SLC1A6: variants seen among roughly 807,000 people sequenced by gnomAD.
SLC1A6 encodes solute carrier family 1 member 6.
In SLC1A6, 15 loss-of-function variants were observed where a neutral mutation model predicts 42.1. That is an observed-to-expected ratio of 0.36 (90% CI 0.24 to 0.55). SLC1A6 has a LOEUF of 0.55. Among genes scored for constraint, SLC1A6 ranks in the 20% least tolerant of loss-of-function variants. The pLI, the probability that SLC1A6 is intolerant of heterozygous loss-of-function variation, is 0.88. For missense variants in SLC1A6, 542 were observed against 772.5 expected, an observed-to-expected ratio of 0.70 and a Z score of 3.54; for synonymous variants, 317 against 319.7, an observed-to-expected ratio of 0.99 and a Z score of 0.09.
chr19:14,975,472 G>A (rs540394571), intron 1 of SLC1A6, among the ~76,000 whole-genome samples: 22 of 152,084 alleles, frequency 1.4e-4, no homozygotes, highest in African/African-American at 4.8e-4. Context: ...AAATGAAAAC[G>A]GCCAGGGCGC....
At position 14,972,743 on chromosome 19, in the gene SLC1A6, G is replaced by A. The variant is rs115001292; in HGVS notation, c.168C>T (p.Asn56=). ...CGCTGACCGTCAGCAGAATGAAGGC[G>A]TTTCGGCGCAGGAAGCGCAGCACGT... ...LEHVLRFLRR[N]AFILLTVSAV... is the part of the protein sequence containing the mutation. The change falls in exon 2 of 10, where the codon AAC becomes AAT. Residue 56 remains asparagine, a synonymous_variant. Coordinates refer to ENST00000594383, the MANE Select transcript of SLC1A6 (RefSeq NM_005071.3). 8.2e-3 allele frequency: 13,224 copies of A among 1,614,018 alleles called. 150 individuals carry two copies. Among genetic ancestry groups the A allele is most frequent in the Admixed American group, 0.027 (1,647 of 60,024 alleles).
intron 1 of SLC1A6, among the ~76,000 whole-genome samples, chr19:15,008,153 G>T (rs1484206457): frequency 6.6e-6 from 1 of 152,048 alleles, no homozygotes; most frequent in Non-Finnish European, 1.5e-5. Context: ...AGACCAGCCT[G>T]GGCAATGTTA....
intron 7 of SLC1A6, among the ~76,000 whole-genome samples, chr19:14,955,178 G>A (rs10403853): frequency 0.72 from 110,186 of 152,008 alleles, 40,394 homozygotes; most frequent in African/African-American, 0.84. Flanking sequence ...TGGGTGTCCA[G>A]CTCAGCGGTG....
At chr19:14,972,972 T>C (rs995022602) in intron 1 of SLC1A6, 55 bp from the exon 2 acceptor site, 1 of 1,383,660 alleles carries the variant, frequency 7.2e-7, no homozygotes, top group Non-Finnish European at 9.8e-7. Context: ...AAGGCCGGCG[T>C]GGGCAGATGG....
intron 4 of SLC1A6, among the ~76,000 whole-genome samples, chr19:14,966,864 T>A (rs1465413457): frequency 1.3e-5 from 2 of 151,370 alleles, no homozygotes; most frequent in African/African-American, 4.9e-5. Context: ...CATCACACCC[T>A]GGGGCCTTTT....
intron 1 of SLC1A6, chr19:14,973,762 G>A (rs951712416): frequency 6.6e-6 from 1 of 152,374 alleles, no homozygotes; most frequent in Admixed American, 6.5e-5. Context: ...AAATTAGGAC[G>A]GTTTTGTGTC....
intron 1 of SLC1A6, among the ~76,000 whole-genome samples, chr19:15,000,606 A>G (rs2045867844): frequency 1.3e-5 from 2 of 152,224 alleles, no homozygotes; most frequent in South Asian, 4.2e-4. Context: ...TCTTTATCCA[A>G]CCGGATGGAC....
At chr19:14,998,636 T>C (rs1454882593) in intron 1 of SLC1A6, among the ~76,000 whole-genome samples, 1 of 152,166 alleles carries the variant, frequency 6.6e-6, no homozygotes, top group African/African-American at 2.4e-5. Flanking sequence ...TCCAAATTAC[T>C]TTAGTATAGC....
chr19:15,000,466 A>G (rs2145240301), intron 1 of SLC1A6, among the ~76,000 whole-genome samples: 2 of 152,228 alleles, frequency 1.3e-5, no homozygotes, highest in Middle Eastern at 3.4e-3. Flanking sequence ...AAGATGCAGT[A>G]TTTGTCTTTG....
chr19:14,978,785 C>T (rs2045739013), intron 1 of SLC1A6, among the ~76,000 whole-genome samples: 1 of 151,348 alleles, frequency 6.6e-6, no homozygotes, highest in South Asian at 2.1e-4. Context: ...TGCACACACA[C>T]ATACACATTC....
rs180685371 is a variant in SLC1A6 at position 15,010,538 on chromosome 19, A to G, written c.-48T>C. On this transcript the variant is annotated 5_prime_UTR_variant, in exon 1 of 9. Transcript: ENST00000430939. ...GCTGGAAGCGCTTAGGACATCCTAA[A>G]GCTGGAAGAAGGGCCATGTTGCTGG... is the stretch of plus-strand genomic sequence containing the variant. The G allele has an allele frequency of 1.9e-3, 1,223 of 632,056 alleles. 7 individuals are homozygous for G. The highest frequency in any genetic ancestry group is 0.017 in the African/African-American group (954 of 55,674). 39.2% of individuals were successfully genotyped at this position (632,056 alleles called of 1,614,324 possible).
chr19:14,986,993 C>T (rs933524520), intron 1 of SLC1A6, among the ~76,000 whole-genome samples: 1 of 152,126 alleles, frequency 6.6e-6, no homozygotes, highest in Admixed American at 6.6e-5. Context: ...CTCGCCCTTA[C>T]TTTTGCTCCA....
intron 3 of SLC1A6, 72 bp from the exon 4 acceptor site, chr19:14,968,579 C>T (rs906606842): frequency 8.9e-5 from 117 of 1,319,360 alleles, no homozygotes; most frequent in Non-Finnish European, 1.2e-4. Flanking sequence ...ATCCGTTCCA[C>T]CCTCCCCATA....
intron 9 of SLC1A6, 21 bp from the exon 10 acceptor site, chr19:14,950,411 G>T: frequency 6.6e-7 from 1 of 1,510,692 alleles, no homozygotes. Context: ...GGAGAAAGAA[G>T]CTGCCATTAA....
chr19:14,968,256 G>T, intron 4 of SLC1A6, 47 bp downstream of exon 4: 1 of 1,416,856 alleles, frequency 7.1e-7, no homozygotes. Context: ...AATAAATAAA[G>T]TCTCCTTTTT....
At chr19:15,009,816 T>C (rs2045915899) in intron 1 of SLC1A6, among the ~76,000 whole-genome samples, 1 of 151,924 alleles carries the variant, frequency 6.6e-6, no homozygotes, top group Non-Finnish European at 1.5e-5. Flanking sequence ...TGCCCAAAAG[T>C]TAAAAAGTAA....
At chr19:14,972,474 G>A (rs2045652610) in intron 2 of SLC1A6, among the ~76,000 whole-genome samples, 1 of 152,376 alleles carries the variant, frequency 6.6e-6, no homozygotes, top group South Asian at 2.1e-4. Context: ...GAGTGTGTGT[G>A]TACACATGGA....
At chr19:14,989,449 C>T (rs896633529) in intron 1 of SLC1A6, among the ~76,000 whole-genome samples, 3 of 151,694 alleles carry the variant, frequency 2.0e-5, no homozygotes, top group East Asian at 2.0e-4. Context: ...TTAGTAGAGA[C>T]GGGGTTTCTC....
At chr19:14,962,424 T>A (rs1288597434) in intron 5 of SLC1A6, 79 bp from the exon 6 acceptor site, 5 of 960,444 alleles carry the variant, frequency 5.2e-6, no homozygotes, top group Non-Finnish European at 4.8e-6. Flanking sequence ...TTGAGACCAC[T>A]GATTCCCAGT....
Sources: allele counts gnomAD v4.1 joint callset (sites outside exome capture counted in the v4.1 genomes callset), GRCh38; gene constraint gnomAD v4.1.1; transcripts MANE v1.5; gene names NCBI Gene and HGNC (gene_info 2026-07-23, HGNC 2026-07-21).